The following PTPN14 variants were observed in gnomAD, a reference collection of about 807,000 sequenced individuals.
PTPN14 encodes protein tyrosine phosphatase non-receptor type 14.
A neutral mutation model predicts 126.8 loss-of-function variants in PTPN14; 53 were observed. The ratio of observed to expected loss-of-function variants is 0.42; its 90% CI spans 0.34 to 0.53. PTPN14 has a LOEUF of 0.53. Ranked by LOEUF, PTPN14 falls within the 20% of genes least tolerant of loss-of-function variation. PTPN14 has a pLI of 0.08. For missense variants in PTPN14, 1,257 were observed against 1,552.9 expected (o/e 0.81, Z 3.20); for synonymous variants, 630 against 599.3 (o/e 1.05, Z -0.75).
chr1:214,371,459 G>A (rs530545875), intron 16 of PTPN14, among the ~76,000 whole-genome samples: 3 of 152,242 alleles, frequency 2.0e-5, no homozygotes, highest in South Asian at 4.2e-4. Flanking sequence ...GAGGCAGGAG[G>A]ACCTGTACTC....
intron 1 of PTPN14, chr1:214,532,282 G>A: frequency 2.1e-6 from 1 of 466,808 alleles, no homozygotes; most frequent in South Asian, 2.0e-5. Context: ...AGCGTGGCCA[G>A]AGCCTATGCA....
rs768310039 is a variant in PTPN14 at position 214,402,963 on chromosome 1, T to G, written c.511-10A>C. Reference sequence around the variant, plus strand: ...CTTCCAGGGCCAAATCCTATAAGAATAGAAAGTGCTTAAGGTCACATGAGG... The same window carrying G: ...CTTCCAGGGCCAAATCCTATAAGAAGAGAAAGTGCTTAAGGTCACATGAGG... On this transcript the variant is annotated splice_polypyrimidine_tract_variant and intron_variant, in intron 5 of 18. Transcript: ENST00000366956. 1 of 1,613,672 alleles carries G rather than the reference T, an allele frequency of 6.2e-7. No homozygotes were observed. The highest frequency in any genetic ancestry group is 1.7e-5 in the Admixed American group (1 of 60,018).
At chr1:214,543,787 T>C (rs1016889061) in intron 1 of PTPN14, among the ~76,000 whole-genome samples, 4 of 152,056 alleles carry the variant, frequency 2.6e-5, no homozygotes, top group African/African-American at 9.7e-5. Flanking sequence ...CCCAGCTAAT[T>C]TTTGTACTTT....
chr1:214,390,266 C>A (rs1658718431), intron 11 of PTPN14, among the ~76,000 whole-genome samples: 1 of 152,210 alleles, frequency 6.6e-6, no homozygotes, highest in Non-Finnish European at 1.5e-5. Context: ...CAATTCTTAA[C>A]ATCTGTTATC....
In PTPN14 at chr1:214,369,652, GT is replaced by G; in HGVS notation, c.3075del (p.Lys1025AsnfsTer2). 6.2e-7 allele frequency: 1 copy of G among 1,614,156 alleles called. No homozygotes were observed. Among genetic ancestry groups the G allele is most frequent in the Non-Finnish European group, 8.5e-7 (1 of 1,180,024 alleles). On this transcript the variant is annotated frameshift_variant, in exon 17 of 19. Transcript: ENST00000366956. LOFTEE classifies it high-confidence loss of function. ...GRTKSHRYWPKLGSKHSSATY... is the reference protein window; with the variant it reads ...GRTKSHRYWPXLGSKHSSATY... ...GTGGCTGAGCTGTGCTTTGAACCTAGTTTGGGCCAGTATCGGTGGCTTTTGG... is the reference window on the plus strand; with the variant it reads ...GTGGCTGAGCTGTGCTTTGAACCTAGTTGGGCCAGTATCGGTGGCTTTTGG...
chr1:214,398,697 T>C (rs927876444), intron 7 of PTPN14, among the ~76,000 whole-genome samples: 3 of 145,144 alleles, frequency 2.1e-5, no homozygotes, highest in African/African-American at 7.7e-5. Context: ...CCTCCCAAAG[T>C]GTTGGGATTA....
rs569002916 is a variant in PTPN14 at position 214,354,179 on chromosome 1, C to T, written c.*3743G>A. On this transcript the variant is annotated 3_prime_UTR_variant, in exon 19 of 19. Transcript: ENST00000366956. ...GGGGGCCAGAGATGGCCAAGTGACT[C>T]TTAGGAAAACAATGACAGTTTAGCT... The T allele has an allele frequency of 6.6e-6, 1 of 152,296 alleles. No individual in the cohort carries two copies. Among genetic ancestry groups the T allele is most frequent in the East Asian group, 1.9e-4 (1 of 5,182 alleles). The allele number at this position is 152,296 out of a possible 1,614,324, so 9.4% of individuals were successfully genotyped here. A position where few individuals can be genotyped will look rare whatever the true frequency, so the allele number is the denominator to read the frequency against.
intron 1 of PTPN14, among the ~76,000 whole-genome samples, chr1:214,508,794 T>C (rs910800634): frequency 6.6e-6 from 1 of 152,262 alleles, no homozygotes; most frequent in African/African-American, 2.4e-5. Context: ...CCTTGATCCA[T>C]GGGTTGCTGA....
At chr1:214,398,045 C>A in intron 7 of PTPN14, 44 bp from the exon 8 acceptor site, 1 of 1,440,022 alleles carries the variant, frequency 6.9e-7, no homozygotes, top group African/African-American at 1.4e-5. Context: ...CCCATGTTCA[C>A]TGCAACATTA....
At chr1:214,534,874 G>GATAT (rs1428095223) in intron 1 of PTPN14, among the ~76,000 whole-genome samples, 2 of 152,060 alleles carry the variant, frequency 1.3e-5, no homozygotes, top group Non-Finnish European at 2.9e-5. Context: ...TTGGTCATGT[G>GATAT]ATATACTTTG....
rs1366243056 is a variant in PTPN14 at position 214,356,408 on chromosome 1, A to G, written c.*1514T>C. ...AGAAAGAGCACGCCTGTGACTTCCC[A>G]TCACCACGTAACAACAGGTGCATAT... On this transcript the variant is annotated 3_prime_UTR_variant, in exon 19 of 19. Transcript: ENST00000366956. 6.6e-6 allele frequency: 1 copy of G among 152,238 alleles called. No individual in the cohort carries two copies. The highest frequency in any genetic ancestry group is 1.5e-5 in the Non-Finnish European group (1 of 68,054). 9.4% of individuals were successfully genotyped at this position (152,238 alleles called of 1,614,324 possible).
At chr1:214,396,962 T>C (rs1571973002) in intron 8 of PTPN14, among the ~76,000 whole-genome samples, 1 of 152,338 alleles carries the variant, frequency 6.6e-6, no homozygotes, top group East Asian at 1.9e-4. Flanking sequence ...AGTCCAAAAG[T>C]CAAAAAATTT....
intron 1 of PTPN14, among the ~76,000 whole-genome samples, chr1:214,510,835 C>T (rs1295520997): frequency 1.3e-5 from 2 of 152,138 alleles, no homozygotes; most frequent in East Asian, 3.8e-4. Flanking sequence ...TGGCTTAAAG[C>T]CAGAGGCCAG....
At chr1:214,430,096 GATT>G (rs1417606970) in intron 3 of PTPN14, among the ~76,000 whole-genome samples, 3 of 152,264 alleles carry the variant, frequency 2.0e-5, no homozygotes, top group South Asian at 4.1e-4. Flanking sequence ...ACTGTGCTAC[GATT>G]ATTTGCTTCC....
intron 1 of PTPN14, among the ~76,000 whole-genome samples, chr1:214,489,257 C>T (rs371375646): frequency 3.3e-5 from 5 of 152,056 alleles, no homozygotes; most frequent in Non-Finnish European, 4.4e-5. Context: ...TTATGGGTGA[C>T]GAAACTGAGG....
chr1:214,451,411 T>C (rs931947461), intron 3 of PTPN14, among the ~76,000 whole-genome samples: 48 of 152,068 alleles, frequency 3.2e-4, no homozygotes, highest in African/African-American at 1.0e-3. Flanking sequence ...CAAGCTCTCC[T>C]CCCACCTCAG....
At chr1:214,387,484 T>G (rs1180400476) in intron 11 of PTPN14, among the ~76,000 whole-genome samples, 3 of 151,704 alleles carry the variant, frequency 2.0e-5, no homozygotes, top group Non-Finnish European at 4.4e-5. Context: ...GCACTTCAGG[T>G]TGGGCAACAG....
intron 3 of PTPN14, among the ~76,000 whole-genome samples, chr1:214,441,092 T>C (rs1002614512): frequency 6.6e-6 from 1 of 152,218 alleles, no homozygotes; most frequent in Admixed American, 6.5e-5. Flanking sequence ...CAAAGTAATA[T>C]AAAAGACTCC....
At chr1:214,508,933 G>A (rs905035469) in intron 1 of PTPN14, among the ~76,000 whole-genome samples, 1 of 152,178 alleles carries the variant, frequency 6.6e-6, no homozygotes, top group African/African-American at 2.4e-5. Flanking sequence ...TAGAGCCGTA[G>A]GTCTCAACAG....
Sources: allele counts gnomAD v4.1 joint callset (sites outside exome capture counted in the v4.1 genomes callset), GRCh38; gene constraint gnomAD v4.1.1; transcripts MANE v1.5; gene names NCBI Gene and HGNC (gene_info 2026-07-23, HGNC 2026-07-21).